SLC25A17: variants seen among roughly 807,000 people sequenced by gnomAD.
The protein encoded by SLC25A17 is solute carrier family 25 member 17.
SLC25A17 carries 26 observed loss-of-function variants against 38.5 expected under a neutral mutation model. The observed-to-expected ratio is 0.68, with a 90% CI of 0.50 to 0.94. The LOEUF (loss-of-function observed/expected upper bound fraction) is 0.94, where lower values mean the gene tolerates loss of function less well. SLC25A17 is among the 40% of genes least tolerant of loss of function. The probability of loss-of-function intolerance (pLI) is 0.00; values close to 1 mark genes in which losing one functional copy is unlikely to be tolerated. For missense variants in SLC25A17, 333 were observed against 372.7 expected, an observed-to-expected ratio of 0.89 and a Z score of 0.88; for synonymous variants, 139 against 136.2, an observed-to-expected ratio of 1.02 and a Z score of -0.14.
rs775089255 is a variant in SLC25A17 at position 40,789,785 on chromosome 22, G to A, written c.334+2740C>T. Among the ~76,000 whole-genome samples, 1 of 151,786 alleles carries A rather than the reference G, an allele frequency of 6.6e-6. No individual in the cohort carries two copies. The highest frequency in any genetic ancestry group is 1.5e-5 in the Non-Finnish European group (1 of 67,956). On this transcript the variant is annotated intron_variant, in intron 4 of 8. Transcript: ENST00000435456. This position sits in a 1 kb window ranked among gnomAD's most constrained non-coding sequence, Gnocchi z 4.5. ...AGCCTCTCAAAGTGCTGGGATTACA[G>A]GCGTGAGCCACCGCGCCTGGTCTAA...
In SLC25A17 at chr22:40,813,648, C is replaced by CAGG. The variant is rs1313813256; in HGVS notation, c.54+5544_54+5546dup. Among the ~76,000 whole-genome samples, 3 of 151,176 alleles carry CAGG rather than the reference C, an allele frequency of 2.0e-5. No individual in the cohort carries two copies. The East Asian group carries it at 5.8e-4, about 29-fold the overall frequency. On this transcript the variant is annotated intron_variant, in intron 1 of 8. Coordinates refer to ENST00000435456, the MANE Select transcript of SLC25A17 (RefSeq NM_006358.4). ...CTGAGGCAGGAGAATGGCGTGAACC[C>CAGG]AGGAGGCGGAGCTTGCAGTGAGCCG...
chr22:40,815,670 T>C lies in SLC25A17; in HGVS notation c.54+3525A>G, dbSNP rs117543234. Among the ~76,000 whole-genome samples, 665 of 152,362 alleles carry C rather than the reference T, an allele frequency of 4.4e-3. 5 individuals are homozygous for C. The highest frequency in any genetic ancestry group is 7.3e-3 in the Admixed American group (111 of 15,304). ...CATTATGCTAGATGCTCCACAAATA[T>C]AATCACATTTACTTCCCACAAGAAC... is the stretch of plus-strand genomic sequence containing the variant. On this transcript the variant is annotated intron_variant, in intron 1 of 8. Transcript: ENST00000435456.
chr22:40,777,156 A>G, intron 6 of SLC25A17, 21 bp from the exon 7 acceptor site: 1 of 1,613,956 alleles, frequency 6.2e-7, no homozygotes, highest in Middle Eastern at 1.7e-4. Flanking sequence ...AAGGAAGAAC[A>G]AACCATATCA....
chr22:40,779,191 A>T (rs1039759046), intron 4 of SLC25A17, 66 bp from the exon 5 acceptor site: 3 of 1,611,310 alleles, frequency 1.9e-6, no homozygotes, highest in Non-Finnish European at 2.5e-6. Context: ...TTGCTGCTTT[A>T]AAGCTACATA....
intron 1 of SLC25A17, among the ~76,000 whole-genome samples, chr22:40,803,213 A>T (rs1301600278): frequency 6.6e-6 from 1 of 152,106 alleles, no homozygotes; most frequent in East Asian, 1.9e-4. Context: ...CCTGCCTCAG[A>T]TTCCCGAGTA....
chr22:40,816,047 G>A (rs1485655232), intron 1 of SLC25A17, among the ~76,000 whole-genome samples: 2 of 151,966 alleles, frequency 1.3e-5, no homozygotes, highest in South Asian at 2.1e-4. Context: ...TTAGCCAGGC[G>A]TGGTGGCACA....
chr22:40,789,432 G>A lies in SLC25A17; in HGVS notation c.334+3093C>T, dbSNP rs1296631814. Among the ~76,000 whole-genome samples, 1 of 152,060 alleles carries A rather than the reference G, an allele frequency of 6.6e-6. No individual in the cohort carries two copies. ...GCCACGGAGGATCCCTGATGCCAGC[G>A]ACTCAGGAGCTGGGTCTCCCAACCA... is the stretch of plus-strand genomic sequence containing the variant. On this transcript the variant is annotated intron_variant, in intron 4 of 8. Transcript: ENST00000435456. The surrounding 1 kb of genome is among the most constrained non-coding windows in gnomAD (Gnocchi z 4.5).
rs553987520 is a variant in SLC25A17 at position 40,801,128 on chromosome 22, C to T, written c.55-2045G>A. On this transcript the variant is annotated intron_variant, in intron 1 of 8. Transcript: ENST00000435456. ...AAAGAAAAAAGAAAAAAATATATTA[C>T]ATATATATATATATATATATATATA... is the stretch of plus-strand genomic sequence containing the variant. Among the ~76,000 whole-genome samples the T allele has an allele frequency of 4.3e-3, 435 of 101,142 alleles. 5 individuals are homozygous for T. The highest frequency in any genetic ancestry group is 0.014 in the African/African-American group (381 of 27,768). 66.4% of individuals were successfully genotyped at this position (101,142 alleles called of 152,430 possible). A position where few individuals can be genotyped will look rare whatever the true frequency, so the allele number is the denominator to read the frequency against.
intron 1 of SLC25A17, among the ~76,000 whole-genome samples, chr22:40,811,254 T>G: frequency 1.4e-5 from 1 of 69,696 alleles, no homozygotes; most frequent in South Asian, 4.5e-4. Flanking sequence ...TTATTTTTAA[T>G]TTTTGTTTTT....
chr22:40,815,364 A>C (rs1033828642), intron 1 of SLC25A17, among the ~76,000 whole-genome samples: 1 of 152,194 alleles, frequency 6.6e-6, no homozygotes, highest in African/African-American at 2.4e-5. Flanking sequence ...GGTAGCAGAC[A>C]CTGAATATGT....
chr22:40,789,158 A>G lies in SLC25A17; in HGVS notation c.334+3367T>C. ...AGATTATCTACCACTTGCTCAGGAA[A>G]ATTAGCTGTGGGGGATGCCCAGCTG... On this transcript the variant is annotated intron_variant, in intron 4 of 8. Coordinates refer to ENST00000435456, the MANE Select transcript of SLC25A17 (RefSeq NM_006358.4). The surrounding 1 kb of genome is among the most constrained non-coding windows in gnomAD (Gnocchi z 4.5). The G allele has an allele frequency of 3.8e-6, 1 of 261,134 alleles. No homozygotes were observed. Among genetic ancestry groups the G allele is most frequent in the South Asian group, 5.2e-5 (1 of 19,056 alleles). 16.2% of individuals were successfully genotyped at this position (261,134 alleles called of 1,614,324 possible).
rs549799348 is a variant in SLC25A17 at position 40,770,862 on chromosome 22, A to G, written c.896T>C (p.Met299Thr). ...GTGTTGGTGTGCACGCTTCAGCCCC[A>G]TAACTGTGAAGGTGGCAGCTGTCAG... is the stretch of plus-strand genomic sequence containing the variant. Reference protein sequence around the residue: ...EKLTAATFTVMGLKRAHQH With the variant: ...EKLTAATFTVTGLKRAHQH Residue 299 changes from methionine to threonine, a missense_variant, in exon 9 of 9, where the codon ATG becomes ACG. Coordinates refer to ENST00000435456, the MANE Select transcript of SLC25A17 (RefSeq NM_006358.4). 12 of 1,613,442 alleles carry G rather than the reference A, an allele frequency of 7.4e-6. No individual in the cohort carries two copies. Among genetic ancestry groups the G allele is most frequent in the African/African-American group, 2.7e-5 (2 of 75,040 alleles).
At chr22:40,798,368 T>C (rs1198313207) in intron 2 of SLC25A17, 5 of 152,166 alleles carry the variant, frequency 3.3e-5, no homozygotes, top group Non-Finnish European at 7.3e-5. Context: ...ATGTGCACCA[T>C]TGGTTCCTCG....
At position 40,789,788 on chromosome 22, in the gene SLC25A17, G is replaced by A. The variant is rs920428851; in HGVS notation, c.334+2737C>T. Among the ~76,000 whole-genome samples the A allele has an allele frequency of 6.6e-6, 1 of 151,642 alleles. No homozygotes were observed. Among genetic ancestry groups the A allele is most frequent in the Non-Finnish European group, 1.5e-5 (1 of 67,934 alleles). ...CTCTCAAAGTGCTGGGATTACAGGC[G>A]TGAGCCACCGCGCCTGGTCTAAAAT... On this transcript the variant is annotated intron_variant, in intron 4 of 8. Coordinates refer to ENST00000435456, the MANE Select transcript of SLC25A17 (RefSeq NM_006358.4). This position sits in a 1 kb window ranked among gnomAD's most constrained non-coding sequence, Gnocchi z 4.5.
intron 4 of SLC25A17, among the ~76,000 whole-genome samples, chr22:40,791,369 A>G (rs892939703): frequency 2.0e-5 from 3 of 152,154 alleles, no homozygotes; most frequent in African/African-American, 7.2e-5. Context: ...GAGCCCACCA[A>G]TAGTAACTTT....
chr22:40,818,622 C>G (rs1231567845), intron 1 of SLC25A17, among the ~76,000 whole-genome samples: 1 of 150,044 alleles, frequency 6.7e-6, no homozygotes, highest in Non-Finnish European at 1.5e-5. Context: ...GGGCGGATCG[C>G]TGGAGCCCGG....
intron 8 of SLC25A17, among the ~76,000 whole-genome samples, chr22:40,773,113 T>C (rs1443085708): frequency 1.3e-5 from 2 of 152,100 alleles, no homozygotes; most frequent in Non-Finnish European, 2.9e-5. Context: ...ACAGAGCTAC[T>C]GTTAGGATTG....
At chr22:40,794,087 AC>A (rs1369037598) in intron 3 of SLC25A17, among the ~76,000 whole-genome samples, 3 of 152,216 alleles carry the variant, frequency 2.0e-5, no homozygotes, top group African/African-American at 7.2e-5. Context: ...TAAAGCATAT[AC>A]TTGTCTTCTT....
intron 1 of SLC25A17, chr22:40,817,391 C>CA (rs1170014042): frequency 6.6e-6 from 1 of 152,338 alleles, no homozygotes; most frequent in Non-Finnish European, 1.5e-5. Flanking sequence ...CTCCAAGACT[C>CA]AGTCATTGAG....
Sources: gnomAD v4.1 joint callset for allele counts (sites outside exome capture counted in the v4.1 genomes callset) on GRCh38, gnomAD v4.1.1 for gene constraint, Gnocchi (gnomAD v3.1) non-coding constraint, MANE v1.5 for transcripts, NCBI Gene and HGNC (gene_info 2026-07-23, HGNC 2026-07-21) for gene names.